The following DRC9 variants were observed in gnomAD, a reference collection of about 807,000 sequenced individuals.
The protein encoded by DRC9 is dynein regulatory complex subunit 9, also known as dynein regulatory complex protein 9.
chr3:197,950,156 T>C, the DRC9 span: 1 of 1,231,794 alleles, frequency 8.1e-7, no homozygotes. Flanking sequence ...CGAAAGATGT[T>C]TAATCCCACA....
chr3:197,930,222 C>T, the DRC9 span, among the ~76,000 whole-genome samples: 1 of 151,700 alleles, frequency 6.6e-6, no homozygotes, highest in Non-Finnish European at 1.5e-5. Flanking sequence ...CTGGGCATGC[C>T]TGGGTCCCCA....
At chr3:197,909,619 A>C in the DRC9 span, among the ~76,000 whole-genome samples, 1 of 152,246 alleles carries the variant, frequency 6.6e-6, no homozygotes, top group Admixed American at 6.5e-5. Flanking sequence ...TGCTACAGAA[A>C]ACATTAAAAA....
chr3:197,894,459 C>T, the DRC9 span: 18 of 152,224 alleles, frequency 1.2e-4, no homozygotes, highest in African/African-American at 4.3e-4. Context: ...TAACTCTCGA[C>T]AGAGAAATTC....
At chr3:197,957,517 G>T in the DRC9 span, 2 of 151,432 alleles carry the variant, frequency 1.3e-5, no homozygotes, top group Non-Finnish European at 2.9e-5. Flanking sequence ...GAGTGCAGTG[G>T]CGCAATCTTG....
At chr3:197,897,497 TA>T in the DRC9 span, among the ~76,000 whole-genome samples, 1 of 152,146 alleles carries the variant, frequency 6.6e-6, no homozygotes, top group African/African-American at 2.4e-5. Context: ...AGAATATATA[TA>T]AAGCAAACAT....
At chr3:197,891,543 C>CT in the DRC9 span, 6 of 1,562,076 alleles carry the variant, frequency 3.8e-6, no homozygotes, top group Non-Finnish European at 5.3e-6. Context: ...TTCATACTCT[C>CT]TTATCTGCAA....
the DRC9 span, chr3:197,926,182 A>G: frequency 1.3e-6 from 1 of 786,788 alleles, no homozygotes; most frequent in Non-Finnish European, 2.2e-6. Flanking sequence ...CCCCGCACAT[A>G]AGAAAACCAG....
At chr3:197,900,527 C>T in the DRC9 span, among the ~76,000 whole-genome samples, 4 of 118,652 alleles carry the variant, frequency 3.4e-5, no homozygotes, top group Admixed American at 1.7e-4. This position sits in a 1 kb window ranked among gnomAD's most constrained non-coding sequence, Gnocchi z 4.7. Flanking sequence ...ACAGGGCACT[C>T]AGCAGAGGAC....
chr3:197,909,605 G>A, the DRC9 span, among the ~76,000 whole-genome samples: 4 of 152,340 alleles, frequency 2.6e-5, no homozygotes, highest in African/African-American at 7.2e-5. Context: ...TCAATCAGCT[G>A]TACTGCTACA....
chr3:197,936,303 G>A, the DRC9 span, among the ~76,000 whole-genome samples: 1 of 152,140 alleles, frequency 6.6e-6, no homozygotes, highest in African/African-American at 2.4e-5. Context: ...GCATACACAA[G>A]CTTCCTACAA....
the DRC9 span, among the ~76,000 whole-genome samples, chr3:197,941,969 C>T: frequency 0.023 from 3,541 of 152,142 alleles, 163 homozygotes; most frequent in African/African-American, 0.082. Flanking sequence ...GTTCTTAGAT[C>T]CTTATCTGTT....
At chr3:197,900,808 C>T in the DRC9 span, among the ~76,000 whole-genome samples, 1 of 152,232 alleles carries the variant, frequency 6.6e-6, no homozygotes, top group African/African-American at 2.4e-5. The surrounding 1 kb of genome is among the most constrained non-coding windows in gnomAD (Gnocchi z 4.7). Context: ...CAGGCCTTAG[C>T]TCCTGGGTGG....
the DRC9 span, among the ~76,000 whole-genome samples, chr3:197,946,645 T>G: frequency 6.6e-6 from 1 of 152,062 alleles, no homozygotes; most frequent in Non-Finnish European, 1.5e-5. Context: ...AAAGCAACTC[T>G]GAGAGACGTG....
the DRC9 span, chr3:197,951,467 C>T: frequency 1.3e-6 from 1 of 769,076 alleles, no homozygotes; most frequent in Non-Finnish European, 2.2e-6. Context: ...AGTGTCCTGT[C>T]TCAGCCTCCC....
the DRC9 span, chr3:197,889,820 GTC>G: frequency 7.5e-7 from 1 of 1,335,706 alleles, no homozygotes; most frequent in Non-Finnish European, 1.1e-6. Context: ...CTGACAAACA[GTC>G]TCTCTCCAGG....
At chr3:197,892,874 G>A in the DRC9 span, 1 of 1,341,158 alleles carries the variant, frequency 7.5e-7, no homozygotes, top group Non-Finnish European at 1.0e-6. Flanking sequence ...GTGAGAGAAG[G>A]CAGAACAGTA....
the DRC9 span, chr3:197,892,504 G>A: frequency 6.5e-6 from 8 of 1,226,090 alleles, no homozygotes; most frequent in Non-Finnish European, 9.2e-6. Flanking sequence ...TCCTTCCTCG[G>A]TGAGCACCCT....
At chr3:197,949,540 C>G in the DRC9 span, 1 of 152,242 alleles carries the variant, frequency 6.6e-6, no homozygotes, top group Non-Finnish European at 1.5e-5. Flanking sequence ...GGTGGTCTCA[C>G]TATGTTGCCC....
At chr3:197,951,985 C>A in the DRC9 span, among the ~76,000 whole-genome samples, 1 of 152,096 alleles carries the variant, frequency 6.6e-6, no homozygotes, top group Non-Finnish European at 1.5e-5. Flanking sequence ...GACGTTACTT[C>A]TGAGGGTGGT....
Sources: allele counts gnomAD v4.1 joint callset (sites outside exome capture counted in the v4.1 genomes callset), GRCh38; gene constraint gnomAD v4.1.1; non-coding constraint Gnocchi (gnomAD v3.1); transcripts MANE v1.5; gene names NCBI Gene and HGNC (gene_info 2026-07-23, HGNC 2026-07-21).